The following WDR89 variants were observed in gnomAD, a reference collection of about 807,000 sequenced individuals.
WDR89 encodes WD repeat domain 89, also known as WD repeat-containing protein 89.
Under a neutral mutation model 29.1 loss-of-function variants are expected in WDR89, and 17 were observed. That is an observed-to-expected ratio of 0.58 (90% CI 0.40 to 0.88). The LOEUF is 0.88. WDR89 is among the 40% of genes least tolerant of loss of function. The pLI is 0.00. For synonymous variants in WDR89, 138 were observed against 157.8 expected, an observed-to-expected ratio of 0.87 and a Z score of 0.94; for missense variants, 396 against 456.3, an observed-to-expected ratio of 0.87 and a Z score of 1.20.
intron 2 of WDR89, chr14:63,618,082 T>C (rs1882433218): frequency 6.6e-6 from 1 of 152,176 alleles, no homozygotes; most frequent in Non-Finnish European, 1.5e-5. Flanking sequence ...ATTGGTACGA[T>C]ACAGATTAGC....
chr14:63,634,197 G>A (rs1418961024), intron 1 of WDR89, among the ~76,000 whole-genome samples: 1 of 152,140 alleles, frequency 6.6e-6, no homozygotes, highest in Non-Finnish European at 1.5e-5. Flanking sequence ...GACCAGCTTG[G>A]CCAACATGGC....
At chr14:63,624,847 T>C (rs1882927912) in intron 2 of WDR89, 81 bp downstream of exon 2, 1 of 152,138 alleles carries the variant, frequency 6.6e-6, no homozygotes, top group Admixed American at 6.6e-5. Context: ...CAACAGGAAC[T>C]TTCATACACT....
intron 2 of WDR89, among the ~76,000 whole-genome samples, chr14:63,612,217 T>C (rs1882031525): frequency 6.6e-6 from 1 of 151,992 alleles, no homozygotes; most frequent in Non-Finnish European, 1.5e-5. Context: ...GTCCCTAATC[T>C]AGCTTCATAA....
intron 1 of WDR89, among the ~76,000 whole-genome samples, chr14:63,632,238 G>T (rs759305195): frequency 6.6e-6 from 1 of 152,162 alleles, no homozygotes; most frequent in South Asian, 2.1e-4. Flanking sequence ...GGGACTTCTG[G>T]GGATGGCCAA....
At chr14:63,617,949 T>G (rs1882424127) in intron 2 of WDR89, 3 of 152,124 alleles carry the variant, frequency 2.0e-5, no homozygotes. Context: ...GTAAGAATAC[T>G]ACTTATTTTG....
chr14:63,638,093 C>T (rs931812849), intron 1 of WDR89, among the ~76,000 whole-genome samples: 4 of 152,204 alleles, frequency 2.6e-5, no homozygotes, highest in Admixed American at 6.5e-5. Context: ...TACAGGCACG[C>T]ACCATCATCC....
intron 2 of WDR89, among the ~76,000 whole-genome samples, chr14:63,603,365 A>AT (rs1895170474): frequency 2.0e-5 from 3 of 152,170 alleles, no homozygotes; most frequent in Admixed American, 6.6e-5. Flanking sequence ...ATACTTCACT[A>AT]TAACAGCATC....
At position 63,599,195 on chromosome 14, in the gene WDR89, C is replaced by A; in HGVS notation, c.748G>T (p.Asp250Tyr). 1 of 1,607,972 alleles carries A rather than the reference C, an allele frequency of 6.2e-7. No individual in the cohort carries two copies. Among genetic ancestry groups the A allele is most frequent in the Non-Finnish European group, 8.5e-7 (1 of 1,176,020 alleles). The change falls in exon 3 of 3, where the codon GAC becomes TAC. Residue 250 changes from aspartate (D) to tyrosine (Y), a missense_variant. By Grantham distance (160) the Asp-to-Tyr change is radical. Coordinates refer to ENST00000620954, the MANE Select transcript of WDR89 (RefSeq NM_080666.4). Reference sequence around the variant, plus strand: ...AAACGTGTAACTGGTTCATCAGTGTCCAGATGATTAAGATCCCACCAATAA... The same window carrying A: ...AAACGTGTAACTGGTTCATCAGTGTACAGATGATTAAGATCCCACCAATAA... The part of the protein sequence containing the change: ...GFYWWDLNHL[D>Y]TDEPVTRLNI...
chr14:63,631,534 T>TA (rs896031330), intron 1 of WDR89, among the ~76,000 whole-genome samples: 33 of 149,126 alleles, frequency 2.2e-4, no homozygotes, highest in Non-Finnish European at 1.9e-4. Context: ...CCTGGCCAAT[T>TA]AAAAAAAAAA....
chr14:63,637,581 T>A (rs1338865474), intron 1 of WDR89, among the ~76,000 whole-genome samples: 2 of 152,138 alleles, frequency 1.3e-5, no homozygotes, highest in African/African-American at 2.4e-5. Context: ...TATATGTGTG[T>A]GTATATATAT....
intron 1 of WDR89, among the ~76,000 whole-genome samples, chr14:63,635,667 C>G (rs894195349): frequency 1.3e-5 from 2 of 152,154 alleles, no homozygotes; most frequent in Non-Finnish European, 2.9e-5. Flanking sequence ...GCATCCAAAT[C>G]AATAAAGAGG....
intron 1 of WDR89, among the ~76,000 whole-genome samples, chr14:63,640,292 G>A (rs1273503580): frequency 1.3e-5 from 2 of 152,110 alleles, no homozygotes; most frequent in African/African-American, 4.8e-5. Context: ...AACATATTTT[G>A]TATCTATTAA....
At chr14:63,621,379 C>CCTGAGGT (rs761458619) in intron 2 of WDR89, among the ~76,000 whole-genome samples, 62 of 152,200 alleles carry the variant, frequency 4.1e-4, no homozygotes, top group South Asian at 6.2e-4. Context: ...AGGTGGATCA[C>CCTGAGGT]CTGAGGTCAG....
intron 2 of WDR89, among the ~76,000 whole-genome samples, chr14:63,613,528 G>A (rs1334651130): frequency 7.1e-6 from 1 of 141,806 alleles, no homozygotes; most frequent in Non-Finnish European, 1.5e-5. Context: ...TTTGAGACAA[G>A]AGTCTCACTC....
rs138514413 is a variant in WDR89, at chr14:63,601,658, G to A, written c.-31-1685C>T. 1,034 of 1,613,100 alleles carry A rather than the reference G, an allele frequency of 6.4e-4. 7 individuals carry two copies. The African/African-American group carries it at 0.011, about 18-fold the overall frequency. Reference sequence around the variant, plus strand: ...AAGCAACAGTAGTCGCTGTTGGATCGGGTTCTAAAGGAAAGGGTGGAGAGA... The same window carrying A: ...AAGCAACAGTAGTCGCTGTTGGATCAGGTTCTAAAGGAAAGGGTGGAGAGA... On this transcript the variant is annotated intron_variant, in intron 2 of 2. Transcript: ENST00000620954.
At chr14:63,615,632 A>G (rs1401574513) in intron 2 of WDR89, among the ~76,000 whole-genome samples, 1 of 152,240 alleles carries the variant, frequency 6.6e-6, no homozygotes, top group Admixed American at 6.5e-5. Context: ...ACCCTACTCA[A>G]GAATTCAAAA....
intron 1 of WDR89, among the ~76,000 whole-genome samples, chr14:63,634,662 G>C (rs188398714): frequency 2.6e-5 from 4 of 152,120 alleles, no homozygotes; most frequent in Admixed American, 1.3e-4. Flanking sequence ...CTAAGATCAG[G>C]AGTTTGAGAC....
chr14:63,627,150 A>ACTCTCTCTCT (rs35230660), intron 1 of WDR89, among the ~76,000 whole-genome samples: 28 of 127,184 alleles, frequency 2.2e-4, no homozygotes, highest in South Asian at 7.9e-4. Flanking sequence ...ACACACACAC[A>ACTCTCTCTCT]CTCTCTCTCT....
chr14:63,625,015 A>T lies in WDR89; in HGVS notation c.-119T>A, dbSNP rs1300157765. ...CTGTACACGTGTTCATCACTATTTT[A>T]TTTATAATAGCCAAATACCTAGAAA... is the stretch of plus-strand genomic sequence containing the variant. On this transcript the variant is annotated 5_prime_UTR_variant, in exon 2 of 3. Coordinates refer to ENST00000620954, the MANE Select transcript of WDR89 (RefSeq NM_080666.4). The T allele has an allele frequency of 6.6e-6, 1 of 152,192 alleles. No homozygotes were observed. Among genetic ancestry groups the T allele is most frequent in the Non-Finnish European group, 1.5e-5 (1 of 68,032 alleles). The allele number at this position is 152,192 out of a possible 1,614,324, so 9.4% of individuals were successfully genotyped here.
Sources: allele counts gnomAD v4.1 joint callset (sites outside exome capture counted in the v4.1 genomes callset), GRCh38; gene constraint gnomAD v4.1.1; transcripts MANE v1.5; gene names NCBI Gene and HGNC (gene_info 2026-07-23, HGNC 2026-07-21).